MYH11: variants seen among roughly 807,000 people sequenced by gnomAD.
MYH11 encodes the protein myosin-11.
Under a neutral mutation model 246.6 loss-of-function variants are expected in MYH11, and 80 were observed. The ratio of observed to expected loss-of-function variants is 0.32; its 90% CI spans 0.27 to 0.39. The LOEUF is 0.39. Among genes scored for constraint, MYH11 ranks in the 10% least tolerant of loss-of-function variants. MYH11 has a pLI of 1.00. For synonymous variants in MYH11, 1,071 were observed against 1,015.5 expected, an observed-to-expected ratio of 1.05 and a Z score of -1.04; for missense variants, 2,158 against 2,546.8, an observed-to-expected ratio of 0.85 and a Z score of 3.29.
intron 9 of MYH11, among the ~76,000 whole-genome samples, chr16:15,765,873 T>C (rs944648859): frequency 4.6e-5 from 7 of 152,208 alleles, no homozygotes; most frequent in Non-Finnish European, 8.8e-5. Flanking sequence ...ACTCACAGTT[T>C]TAAAAGTGTC....
intron 30 of MYH11, 66 bp from the exon 31 acceptor site, chr16:15,724,475 C>T: frequency 1.2e-6 from 2 of 1,609,998 alleles, no homozygotes; most frequent in Non-Finnish European, 1.7e-6. Context: ...CCTGGCCCCA[C>T]AGACTCTGAG....
chr16:15,789,522 C>G, intron 4 of MYH11, among the ~76,000 whole-genome samples: 1 of 152,148 alleles, frequency 6.6e-6, no homozygotes. Flanking sequence ...GAACGTAGGT[C>G]CACTTGACAC....
chr16:15,723,110 T>C (rs539700356), intron 31 of MYH11, among the ~76,000 whole-genome samples: 1 of 152,312 alleles, frequency 6.6e-6, no homozygotes, highest in East Asian at 1.9e-4. Context: ...TAAATAATAA[T>C]GTATCTTAAA....
At chr16:15,786,838 G>A (rs2042481848) in intron 4 of MYH11, 106 bp from the exon 5 acceptor site, 1 of 1,084,874 alleles carries the variant, frequency 9.2e-7, no homozygotes, top group African/African-American at 1.6e-5. Flanking sequence ...TTTCCCAGAG[G>A]GTGAAACAGA....
At chr16:15,762,119 C>A (rs572493013) in intron 10 of MYH11, among the ~76,000 whole-genome samples, 1 of 152,208 alleles carries the variant, frequency 6.6e-6, no homozygotes. Flanking sequence ...GGATTACAGG[C>A]GCCTGCCACT....
At chr16:15,753,577 C>T (rs2041631592) in intron 14 of MYH11, 69 bp from the exon 15 acceptor site, 4 of 1,179,998 alleles carry the variant, frequency 3.4e-6, no homozygotes, top group Non-Finnish European at 5.1e-6. Context: ...GCCAGGACCC[C>T]AGCCCTCCCA....
At chr16:15,800,834 G>A (rs184922217) in intron 3 of MYH11, among the ~76,000 whole-genome samples, 4 of 152,168 alleles carry the variant, frequency 2.6e-5, no homozygotes, top group Admixed American at 2.6e-4. Context: ...CTGGTTGAAC[G>A]AAATCCTCAA....
At chr16:15,710,729 T>C (rs1476605006) in intron 40 of MYH11, among the ~76,000 whole-genome samples, 1 of 150,886 alleles carries the variant, frequency 6.6e-6, no homozygotes, top group East Asian at 2.0e-4. Context: ...AAGGCTGGAG[T>C]ATAGAGGCTT....
rs962012164 is a variant in MYH11 at position 15,725,179 on chromosome 16, G to A, written c.3859-187C>T. On this transcript the variant is annotated intron_variant, in intron 28 of 40. Coordinates refer to ENST00000300036, the MANE Select transcript of MYH11 (RefSeq NM_002474.3). Reference sequence around the variant, plus strand: ...CACACACACAAAAAAAACAGAATCTGTGGCTTGAAGGGAACTCCGTCACCT... The same window carrying A: ...CACACACACAAAAAAAACAGAATCTATGGCTTGAAGGGAACTCCGTCACCT... The A allele has an allele frequency of 1.3e-5, 8 of 631,908 alleles. No individual in the cohort carries two copies. The East Asian group carries it at 1.4e-4, about 11-fold the overall frequency. 39.1% of individuals were successfully genotyped at this position (631,908 alleles called of 1,614,324 possible). A position where few individuals can be genotyped will look rare whatever the true frequency, so the allele number is the denominator to read the frequency against.
Position 15,703,913 on chromosome 16 carries a change from G to C in MYH11, c.*78C>G. On this transcript the variant is annotated 3_prime_UTR_variant, in exon 41 of 41. Transcript: ENST00000300036. ...GTCTGCTGGGTTTTGCTTTGTTCTGGGTTGTTGTTGGGTTTTTTTTGTTTG... is the reference window on the plus strand; with the variant it reads ...GTCTGCTGGGTTTTGCTTTGTTCTGCGTTGTTGTTGGGTTTTTTTTGTTTG... The C allele has an allele frequency of 6.3e-7, 1 of 1,594,474 alleles. No individual in the cohort carries two copies.
chr16:15,784,327 T>G (rs72772057), intron 5 of MYH11, among the ~76,000 whole-genome samples: 23,891 of 152,040 alleles, frequency 0.16, 2,198 homozygotes, highest in South Asian at 0.33. Context: ...GGCCTGACAG[T>G]CCTAAAACAC....
intron 10 of MYH11, among the ~76,000 whole-genome samples, chr16:15,761,773 C>T (rs1241734928): frequency 1.3e-5 from 2 of 152,128 alleles, no homozygotes; most frequent in Admixed American, 1.3e-4. Context: ...CTTTCCTTGG[C>T]ATCCGGATTC....
chr16:15,775,560 T>C lies in MYH11; in HGVS notation c.889+518A>G, dbSNP rs1246913214. Among the ~76,000 whole-genome samples the C allele has an allele frequency of 9.2e-5, 14 of 152,242 alleles. No individual in the cohort carries two copies. The East Asian group carries it at 9.6e-4, about 10-fold the overall frequency. The stretch of plus-strand genomic sequence containing the variant: ...TTGAATAGCTGTGCCAGAAGCCACC[T>C]GGCCTGCAAAGCCTGAAGATTTACT... On this transcript the variant is annotated intron_variant, in intron 8 of 40. Coordinates refer to ENST00000300036, the MANE Select transcript of MYH11 (RefSeq NM_002474.3).
chr16:15,764,069 GC>G (rs1205830516), intron 9 of MYH11, among the ~76,000 whole-genome samples, 178 bp from the exon 10 acceptor site: 3 of 152,282 alleles, frequency 2.0e-5, no homozygotes, highest in Middle Eastern at 3.4e-3. Flanking sequence ...ACAATGGAAT[GC>G]CACGCAGCAG....
chr16:15,732,900 G>C lies in MYH11; in HGVS notation c.3507-192C>G, dbSNP rs983198454. ...AATTTCCTCAGCTGCAAAATGTGGAGCATATCACCTGCCTAGGACATCTGT... is the reference window on the plus strand; with the variant it reads ...AATTTCCTCAGCTGCAAAATGTGGACCATATCACCTGCCTAGGACATCTGT... On this transcript the variant is annotated intron_variant, in intron 26 of 40. Coordinates refer to ENST00000300036, the MANE Select transcript of MYH11 (RefSeq NM_002474.3). 2.6e-5 allele frequency: 17 copies of C among 651,702 alleles called. No homozygotes were observed. In the African/African-American group the frequency reaches 2.7e-4, roughly 10 times the overall value. 40.4% of individuals were successfully genotyped at this position (651,702 alleles called of 1,614,324 possible). A position where few individuals can be genotyped will look rare whatever the true frequency, so the allele number is the denominator to read the frequency against.
Position 15,717,494 on chromosome 16 carries a change from C to G in MYH11, c.5296-146G>C, listed in dbSNP as rs1319970185. The G allele has an allele frequency of 3.8e-6, 3 of 781,670 alleles. No homozygotes were observed. The East Asian group carries it at 8.1e-5, about 21-fold the overall frequency. 48.4% of individuals were successfully genotyped at this position (781,670 alleles called of 1,614,324 possible). On this transcript the variant is annotated intron_variant, in intron 37 of 40. Transcript: ENST00000300036. ...TCCTCTCCTTCATCCTGTAAAACTC[C>G]ACTCAAGAGCTTCTTCCAGGCCGGG...
intron 24 of MYH11, among the ~76,000 whole-genome samples, 160 bp downstream of exon 24, chr16:15,738,405 C>G (rs987742491): frequency 4.6e-5 from 7 of 152,002 alleles, no homozygotes; most frequent in African/African-American, 1.7e-4. Flanking sequence ...CTCAGCTGCT[C>G]AGGAGGCTGA....
Position 15,714,450 on chromosome 16 carries a change from G to T in MYH11, c.5786+459C>A, listed in dbSNP as rs551943578. 4 of 204,372 alleles carry T rather than the reference G, an allele frequency of 2.0e-5. No individual in the cohort carries two copies. The South Asian group carries it at 3.8e-4, about 19-fold the overall frequency. 12.7% of individuals were successfully genotyped at this position (204,372 alleles called of 1,614,324 possible). A position where few individuals can be genotyped will look rare whatever the true frequency, so the allele number is the denominator to read the frequency against. On this transcript the variant is annotated intron_variant, in intron 40 of 40. Coordinates refer to ENST00000300036, the MANE Select transcript of MYH11 (RefSeq NM_002474.3). The stretch of plus-strand genomic sequence containing the variant: ...GATCTTTTTCCTTCTGATGGGGAAT[G>T]TCGGACAGCCCCCATACCCGAGAAT...
intron 3 of MYH11, among the ~76,000 whole-genome samples, chr16:15,814,749 T>C (rs752489132): frequency 1.3e-5 from 2 of 151,742 alleles, no homozygotes; most frequent in African/African-American, 2.4e-5. Flanking sequence ...CTGGGTCAAA[T>C]ATAAGGCACT....
Sources: gnomAD v4.1 joint callset for allele counts (sites outside exome capture counted in the v4.1 genomes callset) on GRCh38, gnomAD v4.1.1 for gene constraint, MANE v1.5 for transcripts, NCBI Gene and HGNC (gene_info 2026-07-23, HGNC 2026-07-21) for gene names.